CLSTN2: variants seen among roughly 807,000 people sequenced by gnomAD.
CLSTN2 encodes the protein calsyntenin 2.
In CLSTN2, 48 loss-of-function variants were observed where a neutral mutation model predicts 101.2. The observed-to-expected ratio is 0.47, with a 90% CI of 0.38 to 0.60. The LOEUF (loss-of-function observed/expected upper bound fraction) is 0.60, where lower values mean the gene tolerates loss of function less well. Ranked by LOEUF, CLSTN2 falls within the 20% of genes least tolerant of loss-of-function variation. CLSTN2 has a pLI of 0.00. For synonymous variants in CLSTN2, 481 were observed against 463.6 expected, an observed-to-expected ratio of 1.04 and a Z score of -0.48; for missense variants, 1,160 against 1,238.2, an observed-to-expected ratio of 0.94 and a Z score of 0.95.
At chr3:140,119,699 G>A (rs941021777) in intron 1 of CLSTN2, among the ~76,000 whole-genome samples, 9 of 152,112 alleles carry the variant, frequency 5.9e-5, no homozygotes, top group African/African-American at 2.2e-4. Context: ...TGTGGAGACA[G>A]GGTTTTGCCA....
At chr3:140,100,837 A>G (rs1331609887) in intron 1 of CLSTN2, among the ~76,000 whole-genome samples, 1 of 152,214 alleles carries the variant, frequency 6.6e-6, no homozygotes, top group Non-Finnish European at 1.5e-5. Context: ...GATGGTTCAT[A>G]ATGGCTCCAA....
intron 2 of CLSTN2, among the ~76,000 whole-genome samples, chr3:140,282,061 G>C (rs961626598): frequency 6.6e-6 from 1 of 152,154 alleles, no homozygotes. Context: ...AGGGTAGATA[G>C]GTACCTTGAA....
At chr3:140,394,107 ACTGT>A (rs1016015430) in intron 2 of CLSTN2, among the ~76,000 whole-genome samples, 15 of 152,224 alleles carry the variant, frequency 9.9e-5, no homozygotes, top group African/African-American at 3.1e-4. Flanking sequence ...TGCTCATAAA[ACTGT>A]CTGACAGTTA....
chr3:139,938,654 G>A (rs1425857917), intron 1 of CLSTN2, among the ~76,000 whole-genome samples: 1 of 152,230 alleles, frequency 6.6e-6, no homozygotes, highest in Non-Finnish European at 1.5e-5. Context: ...TGGAGGCAGA[G>A]AAAGACATGT....
Position 140,490,910 on chromosome 3 carries a change from T to C in CLSTN2, c.1344+24179T>C, listed in dbSNP as rs1934342103. ...AGTGAGACTTTCTCACTGCACTTGA[T>C]CACTAAGGGCTGTCCCATTTCTGCA... On this transcript the variant is annotated intron_variant, in intron 8 of 16. Transcript: ENST00000458420. Among the ~76,000 whole-genome samples the C allele has an allele frequency of 2.0e-5, 3 of 152,142 alleles. No individual in the cohort carries two copies. In the South Asian group the frequency reaches 6.2e-4, roughly 32 times the overall value.
At chr3:140,528,468 C>T (rs546925636) in intron 8 of CLSTN2, among the ~76,000 whole-genome samples, 2 of 152,140 alleles carry the variant, frequency 1.3e-5, no homozygotes, top group African/African-American at 2.4e-5. Flanking sequence ...ATATGAATCC[C>T]GATCTGTTAT....
chr3:140,366,050 A>T (rs2107953453), intron 2 of CLSTN2, among the ~76,000 whole-genome samples: 1 of 152,296 alleles, frequency 6.6e-6, no homozygotes, highest in South Asian at 2.1e-4. Context: ...GGCCAAGGAC[A>T]AGCTGACACA....
chr3:140,328,829 T>C (rs1489866313), intron 2 of CLSTN2, among the ~76,000 whole-genome samples: 1 of 152,200 alleles, frequency 6.6e-6, no homozygotes, highest in Non-Finnish European at 1.5e-5. Context: ...ATTAATATGA[T>C]GGAAAGGCTT....
At chr3:140,348,804 G>A (rs1409285188) in intron 2 of CLSTN2, among the ~76,000 whole-genome samples, 2 of 152,134 alleles carry the variant, frequency 1.3e-5, no homozygotes, top group African/African-American at 4.8e-5. Flanking sequence ...AGGTTCCACT[G>A]TGTCAAAGAT....
chr3:140,036,714 C>A (rs2007662224), intron 1 of CLSTN2, among the ~76,000 whole-genome samples: 1 of 151,830 alleles, frequency 6.6e-6, no homozygotes. Context: ...CATCAGTGGG[C>A]ATGCTAGATC....
chr3:140,048,851 C>T (rs148776437), intron 1 of CLSTN2, among the ~76,000 whole-genome samples: 12 of 152,324 alleles, frequency 7.9e-5, no homozygotes, highest in African/African-American at 2.6e-4. Flanking sequence ...GAGGGAAAGA[C>T]CAAACTCAAA....
chr3:140,187,993 C>T (rs1174304447), intron 2 of CLSTN2, among the ~76,000 whole-genome samples: 3 of 152,170 alleles, frequency 2.0e-5, no homozygotes, highest in Admixed American at 1.3e-4. Context: ...CTTCCATCCT[C>T]ATGGCCACAG....
intron 1 of CLSTN2, among the ~76,000 whole-genome samples, chr3:140,087,112 G>T (rs934990935): frequency 6.6e-6 from 1 of 152,000 alleles, no homozygotes; most frequent in South Asian, 2.1e-4. Flanking sequence ...GAGGGAAGAG[G>T]ATCATAGCTG....
chr3:140,224,691 C>A (rs1409949708), intron 2 of CLSTN2, among the ~76,000 whole-genome samples: 1 of 152,092 alleles, frequency 6.6e-6, no homozygotes, highest in Non-Finnish European at 1.5e-5. Context: ...ATAATATAGA[C>A]CTTCTGTGCC....
chr3:140,535,325 G>A (rs369979173), intron 9 of CLSTN2, among the ~76,000 whole-genome samples: 35 of 152,162 alleles, frequency 2.3e-4, no homozygotes, highest in African/African-American at 4.3e-4. Flanking sequence ...TCCATTCCCC[G>A]GAAGATATTT....
rs531972121 is a variant in CLSTN2 at position 140,027,211 on chromosome 3, C to T, written c.109+91728C>T. On this transcript the variant is annotated intron_variant, in intron 1 of 16. Transcript: ENST00000458420. Reference sequence around the variant, plus strand: ...ACTGCAGTGGGTTGGATTGAGTCTTCCTCAAATTCATGTCCACCCAGAACC... The same window carrying T: ...ACTGCAGTGGGTTGGATTGAGTCTTTCTCAAATTCATGTCCACCCAGAACC... Among the ~76,000 whole-genome samples, 12 of 152,272 alleles carry T rather than the reference C, an allele frequency of 7.9e-5. No homozygotes were observed. In the East Asian group the frequency reaches 2.3e-3, roughly 29 times the overall value.
chr3:140,329,027 C>A (rs2087356971), intron 2 of CLSTN2, among the ~76,000 whole-genome samples: 1 of 152,184 alleles, frequency 6.6e-6, no homozygotes, highest in African/African-American at 2.4e-5. Flanking sequence ...AAGCAAGTTA[C>A]TTTCTCTTTT....
chr3:140,427,554 A>G (rs967424768), intron 5 of CLSTN2, among the ~76,000 whole-genome samples: 1 of 152,008 alleles, frequency 6.6e-6, no homozygotes, highest in Non-Finnish European at 1.5e-5. Context: ...TGTGCTAGAG[A>G]TGGAGATTTG....
chr3:140,458,749 G>T (rs1000279652), intron 6 of CLSTN2, among the ~76,000 whole-genome samples: 4 of 152,208 alleles, frequency 2.6e-5, no homozygotes, highest in Non-Finnish European at 2.9e-5. Context: ...CCTTCGCCAT[G>T]CAGCGAGCAT....
Sources: allele counts gnomAD v4.1 joint callset (sites outside exome capture counted in the v4.1 genomes callset), GRCh38; gene constraint gnomAD v4.1.1; transcripts MANE v1.5; gene names NCBI Gene and HGNC (gene_info 2026-07-23, HGNC 2026-07-21).